The following AGMO variants were observed in gnomAD, a reference collection of about 807,000 sequenced individuals.
The protein encoded by AGMO is glyceryl-ether monooxygenase.
Under a neutral mutation model 60.2 loss-of-function variants are expected in AGMO, and 75 were observed. That is an observed-to-expected ratio of 1.25 (90% CI 1.03 to 1.51). The LOEUF (loss-of-function observed/expected upper bound fraction) is 1.51, where lower values mean the gene tolerates loss of function less well. Among genes scored for constraint, AGMO ranks in the 40% most tolerant of loss-of-function variants. AGMO has a pLI of 0.00. For synonymous variants in AGMO, 261 were observed against 177.1 expected (o/e 1.47, Z -3.76); for missense variants, 763 against 525.5 (o/e 1.45, Z -4.42).
chr7:15,449,690 G>C (rs1458057239), intron 3 of AGMO, among the ~76,000 whole-genome samples: 4 of 152,148 alleles, frequency 2.6e-5, no homozygotes, highest in Admixed American at 2.0e-4. Flanking sequence ...GCACATTACA[G>C]TGCAGTATAT....
chr7:15,434,009 G>A (rs1336041549), intron 3 of AGMO, among the ~76,000 whole-genome samples: 2 of 151,682 alleles, frequency 1.3e-5, no homozygotes, highest in African/African-American at 4.8e-5. Context: ...TTAATGTTCG[G>A]CTGTATGAGT....
At position 15,561,987 on chromosome 7, in the gene AGMO, A is replaced by G; in HGVS notation, c.-142T>C. ...CTAAAACCAAAGCTCCACTGAGAGC[A>G]CACTCAACAGCCGATTCTGTGTAGA... On this transcript the variant is annotated 5_prime_UTR_variant, in exon 1 of 13. Coordinates refer to ENST00000342526, the MANE Select transcript of AGMO (RefSeq NM_001004320.2). The G allele has an allele frequency of 1.3e-6, 1 of 758,462 alleles. No homozygotes were observed. The highest frequency in any genetic ancestry group is 3.0e-5 in the Admixed American group (1 of 33,312). 47.0% of individuals were successfully genotyped at this position (758,462 alleles called of 1,614,324 possible). A position where few individuals can be genotyped will look rare whatever the true frequency, so the allele number is the denominator to read the frequency against.
intron 10 of AGMO, among the ~76,000 whole-genome samples, chr7:15,384,427 A>C (rs1475962041): frequency 1.3e-5 from 2 of 152,142 alleles, no homozygotes; most frequent in African/African-American, 4.8e-5. Flanking sequence ...TTAACTCCTT[A>C]GGTGTCTTTC....
At chr7:15,315,309 A>G (rs1258760905) in intron 12 of AGMO, among the ~76,000 whole-genome samples, 1 of 150,792 alleles carries the variant, frequency 6.6e-6, no homozygotes, top group Non-Finnish European at 1.5e-5. Flanking sequence ...GATATAAGCA[A>G]AACTTACATG....
At chr7:15,354,356 A>G (rs1434144632) in intron 12 of AGMO, among the ~76,000 whole-genome samples, 28 of 84,214 alleles carry the variant, frequency 3.3e-4, no homozygotes, top group East Asian at 1.3e-3. Context: ...GTGTATATAG[A>G]CGTGTGTATA....
At chr7:15,349,039 C>T (rs994237960) in intron 12 of AGMO, among the ~76,000 whole-genome samples, 1 of 152,012 alleles carries the variant, frequency 6.6e-6, no homozygotes, top group African/African-American at 2.4e-5. Context: ...TGAGTGACAC[C>T]TCAATGATTT....
At chr7:15,392,802 ACAAACAAACAAAC>A (rs1052487517) in intron 6 of AGMO, among the ~76,000 whole-genome samples, 9 of 128,708 alleles carry the variant, frequency 7.0e-5, no homozygotes, top group African/African-American at 2.4e-4. Flanking sequence ...CTGTCTCAAA[ACAAACAAACAAAC>A]AAACAAACAA....
At chr7:15,341,245 T>C (rs1781837978) in intron 12 of AGMO, among the ~76,000 whole-genome samples, 1 of 152,102 alleles carries the variant, frequency 6.6e-6, no homozygotes, top group Admixed American at 6.5e-5. Flanking sequence ...GGCTGCAAAT[T>C]TTCCAAATTT....
intron 2 of AGMO, among the ~76,000 whole-genome samples, chr7:15,554,395 A>T (rs1048092499): frequency 6.6e-5 from 10 of 152,060 alleles, no homozygotes; most frequent in Admixed American, 5.9e-4. Flanking sequence ...GATCCCTTTT[A>T]TGCCTTAAGT....
rs191234406 is a variant in AGMO at position 15,553,043 on chromosome 7, T to G, written c.257+7098A>C. On this transcript the variant is annotated intron_variant, in intron 2 of 12. Transcript: ENST00000342526. ...GTAGGGACATGGATGAAATTGGAAATCATCATTCTCAGTAAACTATCGCAA... is the reference window on the plus strand; with the variant it reads ...GTAGGGACATGGATGAAATTGGAAAGCATCATTCTCAGTAAACTATCGCAA... Among the ~76,000 whole-genome samples the G allele has an allele frequency of 4.0e-3, 602 of 151,086 alleles. 1 individual carries two copies. The highest frequency in any genetic ancestry group is 7.2e-3 in the Non-Finnish European group (486 of 67,742).
At chr7:15,515,868 G>C (rs768818555) in intron 3 of AGMO, among the ~76,000 whole-genome samples, 1 of 152,198 alleles carries the variant, frequency 6.6e-6, no homozygotes, top group Admixed American at 6.5e-5. Context: ...GTTTAGTACT[G>C]TAGACAGGGT....
chr7:15,221,494 G>A (rs957199874), intron 12 of AGMO, among the ~76,000 whole-genome samples: 8 of 152,090 alleles, frequency 5.3e-5, no homozygotes, highest in Non-Finnish European at 1.0e-4. Context: ...AAGGGCAATA[G>A]TGGTGACTAT....
At chr7:15,137,288 C>A in the AGMO span, among the ~76,000 whole-genome samples, 1 of 152,240 alleles carries the variant, frequency 6.6e-6, no homozygotes, top group East Asian at 1.9e-4. Flanking sequence ...GGAACGATTA[C>A]TTTTTTATAC....
chr7:15,475,667 C>T (rs1367922677), intron 3 of AGMO, among the ~76,000 whole-genome samples: 1 of 151,586 alleles, frequency 6.6e-6, no homozygotes, highest in East Asian at 1.9e-4. Context: ...GCACATGTAT[C>T]CCAGAACTTA....
At chr7:15,354,405 T>TATAC (rs1339418277) in intron 12 of AGMO, among the ~76,000 whole-genome samples, 21 of 35,106 alleles carry the variant, frequency 6.0e-4, no homozygotes, top group African/African-American at 9.2e-4. Context: ...CACGTGTGTG[T>TATAC]ACACACGTGT....
chr7:15,118,696 A>G, the AGMO span, among the ~76,000 whole-genome samples: 1 of 152,010 alleles, frequency 6.6e-6, no homozygotes, highest in Admixed American at 6.6e-5. Context: ...ATCTCTGCTA[A>G]AGGAAGCTCA....
chr7:15,350,914 T>A (rs541850396), intron 12 of AGMO, among the ~76,000 whole-genome samples: 1 of 152,306 alleles, frequency 6.6e-6, no homozygotes, highest in East Asian at 1.9e-4. Flanking sequence ...TAAACATTGT[T>A]CAGTGTTGTT....
intron 3 of AGMO, among the ~76,000 whole-genome samples, chr7:15,541,881 T>C (rs776431781): frequency 6.6e-6 from 1 of 152,230 alleles, no homozygotes; most frequent in Non-Finnish European, 1.5e-5. Flanking sequence ...ATGTGAAATA[T>C]GTTTTTGCTA....
chr7:15,244,698 C>A (rs1421017876), intron 12 of AGMO, among the ~76,000 whole-genome samples: 1 of 152,118 alleles, frequency 6.6e-6, no homozygotes, highest in East Asian at 1.9e-4. Flanking sequence ...GTCGCCCAGG[C>A]TGGAGTGCAG....
Sources: gnomAD v4.1 joint callset for allele counts (sites outside exome capture counted in the v4.1 genomes callset) on GRCh38, gnomAD v4.1.1 for gene constraint, MANE v1.5 for transcripts, NCBI Gene and HGNC (gene_info 2026-07-23, HGNC 2026-07-21) for gene names.